Variants in TNR observed in about 807,000 individuals in gnomAD.
TNR encodes tenascin-R.
Under a neutral mutation model 150.4 loss-of-function variants are expected in TNR, and 45 were observed. The observed-to-expected ratio is 0.30, with a 90% confidence interval of 0.24 to 0.38. TNR has a LOEUF of 0.38. Among genes scored for constraint, TNR ranks in the 10% least tolerant of loss-of-function variants. The pLI, the probability that TNR is intolerant of heterozygous loss-of-function variation, is 1.00. For missense variants in TNR, 1,544 were observed against 1,759.1 expected (o/e 0.88, Z 2.19); for synonymous variants, 687 against 678.4 (o/e 1.01, Z -0.20).
chr1:175,389,308 C>T (rs1653068401), intron 7 of TNR, among the ~76,000 whole-genome samples: 1 of 152,216 alleles, frequency 6.6e-6, no homozygotes, highest in South Asian at 2.1e-4. Flanking sequence ...TCCTCTTCCT[C>T]AGGGCAGGTA....
intron 1 of TNR, among the ~76,000 whole-genome samples, chr1:175,611,830 C>A (rs1323910102): frequency 6.6e-6 from 1 of 152,060 alleles, no homozygotes; most frequent in Non-Finnish European, 1.5e-5. Context: ...GGAAACAGAC[C>A]TATAAAGTAA....
At chr1:175,339,037 A>G (rs1650388849) in intron 18 of TNR, among the ~76,000 whole-genome samples, 1 of 152,228 alleles carries the variant, frequency 6.6e-6, no homozygotes, top group Non-Finnish European at 1.5e-5. Context: ...TATAGAACCT[A>G]TCCTTTACCA....
chr1:175,460,510 T>C (rs1656765441), intron 2 of TNR, among the ~76,000 whole-genome samples: 1 of 152,282 alleles, frequency 6.6e-6, no homozygotes, highest in Middle Eastern at 3.4e-3. Flanking sequence ...GAAATATTAG[T>C]AATTGGATCA....
Position 175,396,648 on chromosome 1 carries a change from C to T in TNR, c.1136G>A (p.Gly379Asp). Reference sequence around the variant, plus strand: ...TGGCTCCAGCTCCGTGATGGTGACACCACTCCAATCTCCAGGCACCCGCTG... The same window carrying T: ...TGGCTCCAGCTCCGTGATGGTGACATCACTCCAATCTCCAGGCACCCGCTG... ...LQQRVPGDWS[G>D]VTITELEPGL... Residue 379 changes from glycine (G) to aspartate (D), a missense_variant, in exon 5 of 23, where the codon GGT becomes GAT. By Grantham distance (94) the Gly-to-Asp change is moderately conservative (BLOSUM62 -1). Around this residue, in one of 2 missense-constraint regions of TNR, gnomAD observed 1,254 missense variants for 1,329.4 expected, o/e 0.94. Transcript: ENST00000367674. 1 of 1,614,220 alleles carries T rather than the reference C, an allele frequency of 6.2e-7. No individual in the cohort carries two copies.
At chr1:175,355,795 C>T (rs939183363) in intron 16 of TNR, among the ~76,000 whole-genome samples, 162 bp from the exon 17 acceptor site, 1 of 152,158 alleles carries the variant, frequency 6.6e-6, no homozygotes, top group African/African-American at 2.4e-5. Flanking sequence ...GCTCCTGGGT[C>T]AGATGATAAT....
chr1:175,437,021 G>A (rs956279228), intron 2 of TNR, among the ~76,000 whole-genome samples: 4 of 152,178 alleles, frequency 2.6e-5, no homozygotes, highest in African/African-American at 4.8e-5. Flanking sequence ...TCTGCACCAA[G>A]TGGACCTAAT....
chr1:175,396,879 C>G, intron 4 of TNR, 72 bp from the exon 5 acceptor site: 1 of 1,548,640 alleles, frequency 6.5e-7, no homozygotes, highest in South Asian at 1.2e-5. Context: ...CAACTTTCTT[C>G]CTCACATCTC....
chr1:175,392,645 G>A (rs1461259065), intron 6 of TNR, among the ~76,000 whole-genome samples: 1 of 152,116 alleles, frequency 6.6e-6, no homozygotes, highest in Non-Finnish European at 1.5e-5. Flanking sequence ...TTGTATAGAT[G>A]TCTGTTTAGA....
At chr1:175,700,495 T>C (rs1666658979) in intron 1 of TNR, among the ~76,000 whole-genome samples, 4 of 152,162 alleles carry the variant, frequency 2.6e-5, no homozygotes, top group Non-Finnish European at 5.9e-5. Context: ...AACATGCAGC[T>C]TCCTTGGTTT....
intron 1 of TNR, among the ~76,000 whole-genome samples, chr1:175,616,899 T>C (rs1571680327): frequency 6.6e-6 from 1 of 152,198 alleles, no homozygotes; most frequent in East Asian, 1.9e-4. Flanking sequence ...GACTGTGAAA[T>C]GAGAGGTTGA....
chr1:175,624,176 G>T (rs1338993941), intron 1 of TNR, among the ~76,000 whole-genome samples: 1 of 152,020 alleles, frequency 6.6e-6, no homozygotes, highest in Non-Finnish European at 1.5e-5. Flanking sequence ...TTACATGGTG[G>T]TACCTCTTAA....
chr1:175,650,957 TCCCCCCC>T (rs1558055074), intron 1 of TNR, among the ~76,000 whole-genome samples: 380 of 7,110 alleles, frequency 0.053, no homozygotes, highest in Middle Eastern at 0.12. Flanking sequence ...ATCTCATTAC[TCCCCCCC>T]ACCTCATTAC....
intron 1 of TNR, among the ~76,000 whole-genome samples, chr1:175,732,132 G>C (rs1434435967): frequency 6.6e-6 from 1 of 152,178 alleles, no homozygotes; most frequent in African/African-American, 2.4e-5. Context: ...TCAATTTATG[G>C]CCTCACAGCT....
At chr1:175,738,476 C>T (rs1558098892) in intron 1 of TNR, among the ~76,000 whole-genome samples, 1 of 152,122 alleles carries the variant, frequency 6.6e-6, no homozygotes, top group Non-Finnish European at 1.5e-5. Context: ...TAGTCAGGTT[C>T]ATAGAGACAG....
intron 1 of TNR, among the ~76,000 whole-genome samples, chr1:175,712,711 T>C (rs1287343360): frequency 6.6e-6 from 1 of 152,106 alleles, no homozygotes; most frequent in African/African-American, 2.4e-5. Context: ...CCTCTCTCTC[T>C]TGCTTCTGCT....
chr1:175,531,889 T>C (rs1251036715), intron 1 of TNR, among the ~76,000 whole-genome samples: 1 of 152,252 alleles, frequency 6.6e-6, no homozygotes, highest in Non-Finnish European at 1.5e-5. Flanking sequence ...TGCCCCTGAC[T>C]GCCTAGGCAA....
At chr1:175,459,818 C>A (rs1350986883) in intron 2 of TNR, among the ~76,000 whole-genome samples, 1 of 151,988 alleles carries the variant, frequency 6.6e-6, no homozygotes, top group Non-Finnish European at 1.5e-5. Context: ...ATGAGTAATG[C>A]CCGGAAAGAT....
intron 2 of TNR, among the ~76,000 whole-genome samples, chr1:175,506,814 A>G (rs1658974981): frequency 6.6e-6 from 1 of 152,250 alleles, no homozygotes; most frequent in Non-Finnish European, 1.5e-5. Flanking sequence ...ATTTTGAGTC[A>G]TTCACTTATT....
intron 1 of TNR, among the ~76,000 whole-genome samples, chr1:175,742,963 TAC>T (rs66777686): frequency 0.6 from 88,412 of 147,754 alleles, 27,001 homozygotes; most frequent in South Asian, 0.73. Context: ...TATGCAACAG[TAC>T]ACACACACAC....
Sources: allele counts gnomAD v4.1 joint callset (sites outside exome capture counted in the v4.1 genomes callset), GRCh38; gene constraint gnomAD v4.1.1; regional missense constraint gnomAD v4.1.1; transcripts MANE v1.5; gene names NCBI Gene and HGNC (gene_info 2026-07-23, HGNC 2026-07-21).